AMOTL1: variants seen among roughly 807,000 people sequenced by gnomAD.
AMOTL1 encodes angiomotin-like protein 1.
Under a neutral mutation model 102.9 loss-of-function variants are expected in AMOTL1, and 45 were observed. The ratio of observed to expected loss-of-function variants is 0.44; its 90% CI spans 0.34 to 0.56. AMOTL1 has a LOEUF of 0.56. AMOTL1 is among the 20% of genes least tolerant of loss of function. AMOTL1 has a pLI of 0.01. For synonymous variants in AMOTL1, 481 were observed against 484.7 expected, an observed-to-expected ratio of 0.99 and a Z score of 0.10; for missense variants, 1,114 against 1,225.6, an observed-to-expected ratio of 0.91 and a Z score of 1.36.
chr11:94,731,540 C>T (rs1950352152), intron 2 of AMOTL1, among the ~76,000 whole-genome samples: 1 of 151,982 alleles, frequency 6.6e-6, no homozygotes, highest in African/African-American at 2.4e-5. Context: ...GTGTAATGTG[C>T]CAGAGCTAAG....
chr11:94,800,285 G>A lies in AMOTL1; in HGVS notation c.1095G>A (p.Gln365=). 6.2e-7 allele frequency: 1 copy of A among 1,610,602 alleles called. No individual in the cohort carries two copies. Among genetic ancestry groups the A allele is most frequent in the Non-Finnish European group, 8.5e-7 (1 of 1,178,394 alleles). ...CAGATGTGGCCGTCCTGCGGTACCA[G>A]CCACCCCCTGAGTATGGGGTAACGA... is the stretch of plus-strand genomic sequence containing the variant. The part of the protein sequence containing the change: ...VRTDVAVLRY[Q]PPPEYGVTSR... Residue 365 remains glutamine (Q), a synonymous_variant, in exon 3 of 13, where the codon CAG becomes CAA. Transcript: ENST00000433060.
intron 4 of AMOTL1, among the ~76,000 whole-genome samples, chr11:94,823,363 C>T (rs1202301011): frequency 6.6e-6 from 1 of 152,102 alleles, no homozygotes; most frequent in Non-Finnish European, 1.5e-5. Context: ...AAGATTGTGG[C>T]CTCACTCCCA....
intron 3 of AMOTL1, 99 bp downstream of exon 3, chr11:94,800,410 A>C: frequency 3.0e-6 from 4 of 1,355,076 alleles, no homozygotes; most frequent in Non-Finnish European, 4.0e-6. Context: ...TTTTGTCATC[A>C]GGCTTTTTTC....
chr11:94,729,603 T>A (rs764474181), intron 2 of AMOTL1, among the ~76,000 whole-genome samples: 8 of 152,142 alleles, frequency 5.3e-5, no homozygotes, highest in Non-Finnish European at 1.2e-4. Flanking sequence ...ATAAGAACCA[T>A]ACCCTGACAC....
intron 2 of AMOTL1, among the ~76,000 whole-genome samples, chr11:94,795,494 T>A (rs1951350850): frequency 6.6e-6 from 1 of 152,224 alleles, no homozygotes; most frequent in Non-Finnish European, 1.5e-5. Flanking sequence ...TTTTTCCTTC[T>A]CTGCTTTTGT....
chr11:94,719,566 ATG>A (rs34142147), intron 1 of AMOTL1, among the ~76,000 whole-genome samples: 33 of 148,118 alleles, frequency 2.2e-4, no homozygotes, highest in Admixed American at 3.4e-4. Context: ...CAGAGCGAAA[ATG>A]TGTGTGTGTG....
Position 94,865,966 on chromosome 11 carries a change from C to T in AMOTL1, c.2286C>T (p.Ile762=). The change falls in exon 11 of 13, where the codon ATC becomes ATT. Residue 762 remains isoleucine, a synonymous_variant. Transcript: ENST00000433060. ...GTATTAAAAATCTCCATGCCAAAAT[C>T]ATAGAGAAAGATGCTATGATTAAGG... ...EYTIKNLHAK[I]IEKDAMIKVL... 6.2e-7 allele frequency: 1 copy of T among 1,613,686 alleles called. No individual in the cohort carries two copies.
At chr11:94,832,856 C>T (rs1044151378) in intron 6 of AMOTL1, among the ~76,000 whole-genome samples, 1 of 152,204 alleles carries the variant, frequency 6.6e-6, no homozygotes, top group South Asian at 2.1e-4. Context: ...GGATACTTTG[C>T]CTTCTTGTCA....
chr11:94,831,358 C>G, intron 5 of AMOTL1, 94 bp from the exon 6 acceptor site: 1 of 1,020,740 alleles, frequency 9.8e-7, no homozygotes, highest in East Asian at 2.5e-5. Flanking sequence ...AGCATCTCTT[C>G]CTCCCCAGCT....
intron 1 of AMOTL1, among the ~76,000 whole-genome samples, chr11:94,769,151 C>G (rs1430085800): frequency 6.6e-6 from 1 of 152,260 alleles, no homozygotes; most frequent in African/African-American, 2.4e-5. Context: ...AGACAAGTTT[C>G]TTTGACAAAC....
chr11:94,861,257 GTCC>G (rs1952768441), intron 9 of AMOTL1, among the ~76,000 whole-genome samples: 1 of 152,196 alleles, frequency 6.6e-6, no homozygotes, highest in African/African-American at 2.4e-5. Context: ...CTCCAGTTCA[GTCC>G]CTGCAGTATA....
chr11:94,861,141 G>A (rs1410579462), intron 9 of AMOTL1, among the ~76,000 whole-genome samples: 1 of 152,136 alleles, frequency 6.6e-6, no homozygotes, highest in Non-Finnish European at 1.5e-5. Context: ...ATGGGAAGCA[G>A]CCCGCAGTAT....
rs1482093418 is a variant in AMOTL1 at position 94,842,175 on chromosome 11, AT to A, written c.1649-7937del. Among the ~76,000 whole-genome samples the A allele has an allele frequency of 1.2e-4, 18 of 152,356 alleles. No homozygotes were observed. The East Asian group carries it at 3.5e-3, about 29-fold the overall frequency. On this transcript the variant is annotated intron_variant, in intron 6 of 12. Transcript: ENST00000433060. ...GATTATATACCAATAGCATCCTCTT[AT>A]TCAATAAGCTGTTGCCTAAACTTAA... is the stretch of plus-strand genomic sequence containing the variant.
At position 94,800,075 on chromosome 11, in the gene AMOTL1, C is replaced by T; in HGVS notation, c.885C>T (p.Ser295=). The change falls in exon 3 of 13, where the codon TCC becomes TCT. Residue 295 remains serine, a synonymous_variant. Coordinates refer to ENST00000433060, the MANE Select transcript of AMOTL1 (RefSeq NM_130847.3). Reference sequence around the variant, plus strand: ...GCTTCAAAGTAGGAGGGGGGCCCTCCCCTGCCCAGCCTGCAGGTAAAGTGC... The same window carrying T: ...GCTTCAAAGTAGGAGGGGGGCCCTCTCCTGCCCAGCCTGCAGGTAAAGTGC... ...GKGFKVGGGP[S]PAQPAGKVLD... is the part of the protein sequence containing the mutation. 1 of 1,613,924 alleles carries T rather than the reference C, an allele frequency of 6.2e-7. No homozygotes were observed.
At chr11:94,770,306 T>C (rs1232034624) in intron 1 of AMOTL1, among the ~76,000 whole-genome samples, 1 of 152,202 alleles carries the variant, frequency 6.6e-6, no homozygotes, top group African/African-American at 2.4e-5. Flanking sequence ...GTGGGAACAG[T>C]AGTTTAATAT....
intron 2 of AMOTL1, among the ~76,000 whole-genome samples, chr11:94,737,921 G>A (rs1009348141): frequency 1.3e-5 from 2 of 152,224 alleles, no homozygotes; most frequent in African/African-American, 4.8e-5. Flanking sequence ...AATGAATTTT[G>A]TTGTAAAGGG....
In AMOTL1 at chr11:94,869,332, A is replaced by G. The variant is rs1380285028; in HGVS notation, c.2623A>G (p.Ser875Gly). 1 of 1,612,608 alleles carries G rather than the reference A, an allele frequency of 6.2e-7. No homozygotes were observed. Among genetic ancestry groups the G allele is most frequent in the African/African-American group, 1.3e-5 (1 of 75,004 alleles). The change falls in exon 12 of 13, where the codon AGC (serine) becomes GGC (glycine). Residue 875 changes from serine (S) to glycine (G), a missense_variant. Physicochemically the swap from Ser to Gly is moderately conservative, Grantham distance 56 (BLOSUM62 0). Coordinates refer to ENST00000433060, the MANE Select transcript of AMOTL1 (RefSeq NM_130847.3). ...SAHAKTGSKD[S>G]STQTDKSAEL... ...CCACGCCAAGACAGGCAGCAAGGACAGCAGCACACAGACTGACAAGAGTGC... is the reference window on the plus strand; with the variant it reads ...CCACGCCAAGACAGGCAGCAAGGACGGCAGCACACAGACTGACAAGAGTGC...
At chr11:94,835,697 A>G (rs545924078) in intron 6 of AMOTL1, among the ~76,000 whole-genome samples, 13 of 152,332 alleles carry the variant, frequency 8.5e-5, no homozygotes, top group African/African-American at 1.9e-4. Context: ...ACAAGAGCCT[A>G]TCTCCACCGC....
intron 3 of AMOTL1, among the ~76,000 whole-genome samples, chr11:94,820,826 A>G (rs2135627221): frequency 6.6e-6 from 1 of 152,282 alleles, no homozygotes; most frequent in Admixed American, 6.5e-5. Flanking sequence ...TGCATGCACA[A>G]TTCACAATAG....
Sources: gnomAD v4.1 joint callset for allele counts (sites outside exome capture counted in the v4.1 genomes callset) on GRCh38, gnomAD v4.1.1 for gene constraint, MANE v1.5 for transcripts, NCBI Gene and HGNC (gene_info 2026-07-23, HGNC 2026-07-21) for gene names.